CNIH3: variants seen among roughly 807,000 people sequenced by gnomAD.
CNIH3 encodes the protein protein cornichon homolog 3.
A neutral mutation model predicts 24.1 loss-of-function variants in CNIH3; 14 were observed. The observed-to-expected ratio is 0.58, with a 90% CI of 0.38 to 0.91. The LOEUF (loss-of-function observed/expected upper bound fraction) is 0.91, where lower values mean the gene tolerates loss of function less well. CNIH3 is among the 40% of genes least tolerant of loss of function. The probability of loss-of-function intolerance (pLI) is 0.00; values close to 1 mark genes in which losing one functional copy is unlikely to be tolerated. For synonymous variants in CNIH3, 68 were observed against 73.8 expected, an observed-to-expected ratio of 0.92 and a Z score of 0.40; for missense variants, 178 against 196.8, an observed-to-expected ratio of 0.90 and a Z score of 0.57.
chr1:224,574,870 G>T (rs1411611172), intron 4 of CNIH3: 14 of 993,446 alleles, frequency 1.4e-5, no homozygotes, highest in Non-Finnish European at 2.3e-5. Context: ...ACATGGGCGG[G>T]CATGGAAGAG....
chr1:224,634,542 C>T (rs1301261181), intron 1 of CNIH3, among the ~76,000 whole-genome samples: 1 of 150,212 alleles, frequency 6.7e-6, no homozygotes, highest in Non-Finnish European at 1.5e-5. Context: ...CACGGCACTC[C>T]AGCCTGGGCA....
rs541532668 is a variant in CNIH3, at chr1:224,479,799, T to C, written n.204-35942T>C. On this transcript the variant is annotated intron_variant and non_coding_transcript_variant, in intron 1 of 5. Transcript: ENST00000471578. ...TTGGGCAGCTCCATCCCTGTGGCTTTGCAGGGTTCAGCCTCCCTCCTGGCT... is the reference window on the plus strand; with the variant it reads ...TTGGGCAGCTCCATCCCTGTGGCTTCGCAGGGTTCAGCCTCCCTCCTGGCT... 3.3e-5 allele frequency among the ~76,000 whole-genome samples: 5 copies of C among 152,338 alleles called. No homozygotes were observed. In the East Asian group the frequency reaches 7.7e-4, roughly 23 times the overall value.
intron 1 of CNIH3, among the ~76,000 whole-genome samples, chr1:224,643,227 C>T (rs970558320): frequency 1.3e-4 from 20 of 152,152 alleles, no homozygotes; most frequent in African/African-American, 4.6e-4. Context: ...AGAAATAAAA[C>T]GAGGCCTGCT....
At chr1:224,545,503 C>T (rs149681091) in intron 2 of CNIH3, among the ~76,000 whole-genome samples, 39 of 152,318 alleles carry the variant, frequency 2.6e-4, no homozygotes, top group Admixed American at 7.8e-4. Context: ...AGAATTCCTG[C>T]CCCTCAGCAT....
chr1:224,694,978 G>A (rs1687094989), intron 3 of CNIH3, among the ~76,000 whole-genome samples: 1 of 152,006 alleles, frequency 6.6e-6, no homozygotes, highest in Non-Finnish European at 1.5e-5. Flanking sequence ...CTACACGTTG[G>A]GTACAGTGTA....
chr1:224,602,421 A>C (rs1379599801), intron 3 of CNIH3, among the ~76,000 whole-genome samples: 1 of 152,178 alleles, frequency 6.6e-6, no homozygotes, highest in Admixed American at 6.5e-5. Context: ...TTTCAAATGC[A>C]TTGTTTTCTG....
chr1:224,592,867 G>T (rs189985684), downstream of CNIH3, among the ~76,000 whole-genome samples: 3 of 152,296 alleles, frequency 2.0e-5, no homozygotes, highest in East Asian at 5.8e-4. Flanking sequence ...TACATCTCCA[G>T]GTGTGGAAGG....
At chr1:224,615,153 A>G (rs1205308624), upstream of CNIH3, 1 of 151,994 alleles carries the variant, frequency 6.6e-6, no homozygotes, top group Non-Finnish European at 1.5e-5. Flanking sequence ...GAACAGGAAA[A>G]CTAGCACACC....
intron 3 of CNIH3, among the ~76,000 whole-genome samples, chr1:224,552,498 T>A (rs1679963363): frequency 6.6e-6 from 1 of 151,784 alleles, no homozygotes; most frequent in African/African-American, 2.4e-5. Context: ...GTACACCCAC[T>A]GTGATATTAG....
chr1:224,613,904 G>C (rs1304034307), upstream of CNIH3, among the ~76,000 whole-genome samples: 2 of 151,402 alleles, frequency 1.3e-5, no homozygotes, highest in African/African-American at 4.9e-5. Context: ...TTTGAGACAG[G>C]GTCTGGCTCT....
At chr1:224,619,685 T>A (rs1683189258) in intron 1 of CNIH3, among the ~76,000 whole-genome samples, 1 of 152,222 alleles carries the variant, frequency 6.6e-6, no homozygotes, top group Non-Finnish European at 1.5e-5. Context: ...GACTTGGTTT[T>A]ATGTTAGACT....
chr1:224,737,906 C>T (rs1342489017), intron 5 of CNIH3, among the ~76,000 whole-genome samples: 1 of 152,226 alleles, frequency 6.6e-6, no homozygotes, highest in East Asian at 1.9e-4. Context: ...AATGCAGATA[C>T]TAATACTAGC....
At chr1:224,457,049 GA>G (rs1675693773) in intron 1 of CNIH3, among the ~76,000 whole-genome samples, 1 of 152,198 alleles carries the variant, frequency 6.6e-6, no homozygotes, top group Non-Finnish European at 1.5e-5. Flanking sequence ...TGGATGTGGC[GA>G]GGGGAGACGG....
At chr1:224,719,950 C>T (rs183761138) in intron 3 of CNIH3, among the ~76,000 whole-genome samples, 14 of 152,180 alleles carry the variant, frequency 9.2e-5, no homozygotes, top group African/African-American at 3.4e-4. Context: ...TGCATGTGCT[C>T]GAATTCAGAC....
rs1300233501 is a variant in CNIH3, at chr1:224,616,712, G to A, written c.-463G>A. On this transcript the variant is annotated 5_prime_UTR_variant, in exon 1 of 6. Transcript: ENST00000272133. ...CACTATCCGTTTGCGCCCCGGTGGCGCGGGAGGGTCCGGAGCGGAGCGCTC... is the reference window on the plus strand; with the variant it reads ...CACTATCCGTTTGCGCCCCGGTGGCACGGGAGGGTCCGGAGCGGAGCGCTC... 16 of 993,196 alleles carry A rather than the reference G, an allele frequency of 1.6e-5. No homozygotes were observed. The highest frequency in any genetic ancestry group is 1.9e-5 in the Non-Finnish European group (16 of 835,516). The allele number at this position is 993,196 out of a possible 1,614,324, so 61.5% of individuals were successfully genotyped here. A position where few individuals can be genotyped will look rare whatever the true frequency, so the allele number is the denominator to read the frequency against.
At chr1:224,515,262 G>A (rs1678333798), upstream of CNIH3, among the ~76,000 whole-genome samples, 1 of 152,168 alleles carries the variant, frequency 6.6e-6, no homozygotes, top group Non-Finnish European at 1.5e-5. Flanking sequence ...GCAGATGTAT[G>A]CTTATTTATG....
At chr1:224,557,433 C>T (rs1680182997) in intron 3 of CNIH3, among the ~76,000 whole-genome samples, 1 of 152,118 alleles carries the variant, frequency 6.6e-6, no homozygotes, top group Non-Finnish European at 1.5e-5. Context: ...TCTTTACTCC[C>T]TTGAGGTGGA....
intron 1 of CNIH3, among the ~76,000 whole-genome samples, chr1:224,500,180 T>C (rs1344962735): frequency 1.4e-5 from 2 of 141,822 alleles, no homozygotes; most frequent in Non-Finnish European, 1.5e-5. Flanking sequence ...ATTAAAACAA[T>C]TTTTTTTTTT....
intron 2 of CNIH3, among the ~76,000 whole-genome samples, chr1:224,532,855 T>C (rs535902395): frequency 6.6e-5 from 10 of 152,298 alleles, no homozygotes; most frequent in African/African-American, 2.2e-4. Flanking sequence ...CTTAATATTA[T>C]CTAAGTTAAC....
Sources: allele counts gnomAD v4.1 joint callset (sites outside exome capture counted in the v4.1 genomes callset), GRCh38; gene constraint gnomAD v4.1.1; transcripts MANE v1.5; gene names NCBI Gene and HGNC (gene_info 2026-07-23, HGNC 2026-07-21).